The following RERE variants were observed in gnomAD, a reference collection of about 807,000 sequenced individuals.
RERE encodes the protein arginine-glutamic acid dipeptide repeats.
Under a neutral mutation model 146.1 loss-of-function variants are expected in RERE, and 40 were observed. That is an observed-to-expected ratio of 0.27 (90% CI 0.21 to 0.36). The LOEUF is 0.36. Among genes scored for constraint, RERE ranks in the 10% least tolerant of loss-of-function variants. RERE has a pLI of 1.00. For synonymous variants in RERE, 1,003 were observed against 866.0 expected (o/e 1.16, Z -2.78); for missense variants, 1,933 against 2,138.7 (o/e 0.90, Z 1.90).
At chr1:8,422,194 C>G (rs1355318794) in intron 12 of RERE, among the ~76,000 whole-genome samples, 1 of 152,118 alleles carries the variant, frequency 6.6e-6, no homozygotes, top group Admixed American at 6.5e-5. Context: ...TTTATAAGAT[C>G]CCCTTGTACA....
intron 7 of RERE, among the ~76,000 whole-genome samples, chr1:8,514,534 AG>A (rs1459323575): frequency 1.3e-5 from 2 of 152,164 alleles, no homozygotes; most frequent in Non-Finnish European, 2.9e-5. Context: ...GTTCGAAACC[AG>A]CCTAGTCAAC....
chr1:8,420,999 T>G (rs1486224228), intron 12 of RERE, among the ~76,000 whole-genome samples: 2 of 152,220 alleles, frequency 1.3e-5, no homozygotes, highest in Non-Finnish European at 2.9e-5. Flanking sequence ...CACATCTGCT[T>G]CCACTACGGA....
Position 8,423,197 on chromosome 1 carries a change from C to T in RERE, c.1204-390G>A. On this transcript the variant is annotated intron_variant, in intron 11 of 22. Transcript: ENST00000400908. The surrounding 1 kb of genome is among the most constrained non-coding windows in gnomAD (Gnocchi z 5.4). ...AACCAAGCTTCCCAGAAGTGTCGAG[C>T]AGAAAGGGGAAACAGAACCAAACCC... 1 of 168,534 alleles carries T rather than the reference C, an allele frequency of 5.9e-6. No homozygotes were observed. The highest frequency in any genetic ancestry group is 1.3e-5 in the Non-Finnish European group (1 of 77,008). The allele number at this position is 168,534 out of a possible 1,614,324, so 10.4% of individuals were successfully genotyped here. A position where few individuals can be genotyped will look rare whatever the true frequency, so the allele number is the denominator to read the frequency against.
chr1:8,379,130 G>A lies in RERE; in HGVS notation c.1285-13156C>T, dbSNP rs149601650. 3.2e-4 allele frequency among the ~76,000 whole-genome samples: 49 copies of A among 152,230 alleles called. No homozygotes were observed. In the East Asian group the frequency reaches 8.1e-3, roughly 25 times the overall value. On this transcript the variant is annotated intron_variant, in intron 12 of 22. Coordinates refer to ENST00000400908, the MANE Select transcript of RERE (RefSeq NM_001042681.2). ...CTGTGGATCTAAAGACAGCTGGCTC[G>A]CGTGAAGGGACACGGGGGAAGGAAG... is the stretch of plus-strand genomic sequence containing the variant.
intron 12 of RERE, among the ~76,000 whole-genome samples, chr1:8,406,201 G>T (rs896585422): frequency 1.3e-5 from 2 of 151,990 alleles, no homozygotes; most frequent in Non-Finnish European, 2.9e-5. Context: ...GGGTTCAAAT[G>T]ACTACAGGTG....
chr1:8,733,292 A>G (rs1038993979), intron 1 of RERE, among the ~76,000 whole-genome samples: 7 of 152,348 alleles, frequency 4.6e-5, no homozygotes, highest in African/African-American at 1.7e-4. Context: ...TGCTGGTTCA[A>G]GAGCCACATC....
chr1:8,454,547 C>G (rs750170377), intron 11 of RERE, among the ~76,000 whole-genome samples: 4 of 151,404 alleles, frequency 2.6e-5, no homozygotes, highest in Non-Finnish European at 5.9e-5. Context: ...TGGCTCACGC[C>G]TGTAATGCCA....
At chr1:8,534,938 T>C (rs1202001267) in intron 7 of RERE, among the ~76,000 whole-genome samples, 1 of 152,002 alleles carries the variant, frequency 6.6e-6, no homozygotes, top group African/African-American at 2.4e-5. Context: ...GGAAACACCA[T>C]AAATGCAAAC....
chr1:8,758,807 G>A (rs933969181), intron 1 of RERE, among the ~76,000 whole-genome samples: 5 of 151,156 alleles, frequency 3.3e-5, no homozygotes, highest in Non-Finnish European at 2.9e-5. Flanking sequence ...TAATAATAAT[G>A]TATTATATTA....
intron 11 of RERE, among the ~76,000 whole-genome samples, chr1:8,433,235 C>A (rs565869914): frequency 1.3e-5 from 2 of 152,298 alleles, no homozygotes; most frequent in South Asian, 4.1e-4. Flanking sequence ...ATTTCTATGT[C>A]CCTGGTTCTC....
intron 6 of RERE, among the ~76,000 whole-genome samples, chr1:8,543,483 T>G (rs914836757): frequency 1.3e-5 from 2 of 152,330 alleles, no homozygotes; most frequent in Non-Finnish European, 2.9e-5. Context: ...TGATTCTTCT[T>G]TTATTATTGT....
intron 12 of RERE, among the ~76,000 whole-genome samples, chr1:8,386,888 G>T (rs1253207836): frequency 6.6e-6 from 1 of 152,046 alleles, no homozygotes; most frequent in Non-Finnish European, 1.5e-5. Flanking sequence ...TGACTTGAAA[G>T]GACTTCACAA....
chr1:8,500,252 T>A (rs1223492177), intron 8 of RERE, among the ~76,000 whole-genome samples: 1 of 152,242 alleles, frequency 6.6e-6, no homozygotes, highest in African/African-American at 2.4e-5. Flanking sequence ...AGTTCTCTAA[T>A]GTCTGTTATT....
At chr1:8,474,097 C>T (rs1424277192) in intron 10 of RERE, among the ~76,000 whole-genome samples, 3 of 152,226 alleles carry the variant, frequency 2.0e-5, no homozygotes, top group Non-Finnish European at 4.4e-5. Flanking sequence ...TCCATGCTTA[C>T]TTTCTATAAT....
chr1:8,583,219 C>A (rs574339443), intron 4 of RERE, among the ~76,000 whole-genome samples: 2 of 152,278 alleles, frequency 1.3e-5, no homozygotes, highest in East Asian at 3.9e-4. Flanking sequence ...TTACAAATGT[C>A]CCTTAATCCC....
intron 1 of RERE, among the ~76,000 whole-genome samples, chr1:8,759,699 G>A (rs1217902738): frequency 6.6e-6 from 1 of 152,032 alleles, no homozygotes; most frequent in Non-Finnish European, 1.5e-5. Flanking sequence ...CACCCACTAC[G>A]CTCAATTGCA....
intron 7 of RERE, among the ~76,000 whole-genome samples, chr1:8,510,014 G>A (rs1645311743): frequency 6.6e-6 from 1 of 152,226 alleles, no homozygotes; most frequent in African/African-American, 2.4e-5. Flanking sequence ...GGCAAAGGTG[G>A]TGGTAAATGT....
At chr1:8,624,820 T>C (rs1265086716) in intron 2 of RERE, among the ~76,000 whole-genome samples, 1 of 152,212 alleles carries the variant, frequency 6.6e-6, no homozygotes, top group Non-Finnish European at 1.5e-5. Flanking sequence ...AAATATTTTG[T>C]GAGGAAATAA....
intron 1 of RERE, among the ~76,000 whole-genome samples, chr1:8,737,126 A>G (rs1640217199): frequency 6.6e-6 from 1 of 152,214 alleles, no homozygotes. Context: ...AAGATAACAC[A>G]TTCTAATGAA....
Sources: allele counts gnomAD v4.1 joint callset (sites outside exome capture counted in the v4.1 genomes callset), GRCh38; gene constraint gnomAD v4.1.1; non-coding constraint Gnocchi (gnomAD v3.1); transcripts MANE v1.5; gene names NCBI Gene and HGNC (gene_info 2026-07-23, HGNC 2026-07-21).